The following SLC22A2 variants were observed in gnomAD, a reference collection of about 807,000 sequenced individuals.
SLC22A2 encodes organic cation transporter 2.
In SLC22A2, 46 loss-of-function variants were observed where a neutral mutation model predicts 60.5. That is an observed-to-expected ratio of 0.76 (90% CI 0.60 to 0.97). The LOEUF (loss-of-function observed/expected upper bound fraction) is 0.97. Ranked by LOEUF, SLC22A2 falls within the 50% of genes least tolerant of loss-of-function variation. SLC22A2 has a pLI of 0.00. For missense variants in SLC22A2, 701 were observed against 706.6 expected (o/e 0.99, Z 0.09); for synonymous variants, 303 against 267.0 (o/e 1.13, Z -1.31).
rs766479524 is a variant in SLC22A2 at position 160,249,375 on chromosome 6, A to G, written c.683T>C (p.Phe228Ser). ...WLIGYILITE[F>S]VGRRYRRTVG... The stretch of plus-strand genomic sequence containing the variant: ...TGTTCTCCGATATCTCCGCCCAACA[A>G]ATTCTGTAACTGCAGAGAGAATTTG... The change falls in exon 4 of 11, where the codon TTT (phenylalanine) becomes TCT (serine). Residue 228 changes from phenylalanine (F) to serine (S), a missense_variant. By Grantham distance (155) the Phe-to-Ser change is radical. Transcript: ENST00000366953. 5.6e-6 allele frequency: 9 copies of G among 1,613,298 alleles called. No homozygotes were observed. The highest frequency in any genetic ancestry group is 7.6e-6 in the Non-Finnish European group (9 of 1,179,638).
chr6:160,258,508 C>T lies in SLC22A2; in HGVS notation c.250G>A (p.Ala84Thr). The change falls in exon 1 of 11, where the codon GCC (alanine) becomes ACC (threonine). Residue 84 changes from alanine (A) to threonine (T), a missense_variant. Transcript: ENST00000366953. Reference sequence around the variant, plus strand: ...TAGCGCCTACACTGTCTTGGGGAGGCTTCGCCCGCAGGTCCTGGGCCCGGC... The same window carrying T: ...TAGCGCCTACACTGTCTTGGGGAGGTTTCGCCCGCAGGTCCTGGGCCCGGC... ...TVPGPGPAGE[A>T]SPRQCRRYEV... The T allele has an allele frequency of 6.2e-7, 1 of 1,614,106 alleles. No homozygotes were observed. Among genetic ancestry groups the T allele is most frequent in the Non-Finnish European group, 8.5e-7 (1 of 1,180,014 alleles).
intron 9 of SLC22A2, among the ~76,000 whole-genome samples, chr6:160,229,156 A>C (rs940625524): frequency 3.3e-5 from 5 of 151,990 alleles, no homozygotes; most frequent in Non-Finnish European, 5.9e-5. Flanking sequence ...TCTGGTCCTC[A>C]GACTAACCAG....
chr6:160,255,170 C>T (rs1217678252), intron 2 of SLC22A2, among the ~76,000 whole-genome samples: 1 of 152,200 alleles, frequency 6.6e-6, no homozygotes, highest in Non-Finnish European at 1.5e-5. Flanking sequence ...TTCCCTTTCA[C>T]CTTGCAAGCC....
chr6:160,234,152 C>T lies in SLC22A2; in HGVS notation c.1501+7322G>A, dbSNP rs555158359. On this transcript the variant is annotated intron_variant, in intron 9 of 10. Transcript: ENST00000366953. The stretch of plus-strand genomic sequence containing the variant: ...CCGCCCCTGCCTGCCGAGAACTACC[C>T]ACTTTGACTGTAATTTTCCTTTACC... Among the ~76,000 whole-genome samples, 23 of 152,244 alleles carry T rather than the reference C, an allele frequency of 1.5e-4. No individual in the cohort carries two copies. The South Asian group carries it at 4.6e-3, about 30-fold the overall frequency.
intron 10 of SLC22A2, among the ~76,000 whole-genome samples, chr6:160,221,145 A>G (rs1261816799): frequency 1.3e-5 from 2 of 152,182 alleles, no homozygotes; most frequent in East Asian, 3.8e-4. Context: ...GATCACCTTT[A>G]TCAGTGATCT....
At chr6:160,222,694 A>G (rs888851836) in intron 10 of SLC22A2, among the ~76,000 whole-genome samples, 1 of 152,194 alleles carries the variant, frequency 6.6e-6, no homozygotes, top group African/African-American at 2.4e-5. Flanking sequence ...AAATGTCTGC[A>G]TGCACCAAGC....
At position 160,247,522 on chromosome 6, in the gene SLC22A2, G is replaced by A. The variant is rs556810122; in HGVS notation, c.843-224C>T. On this transcript the variant is annotated intron_variant, in intron 4 of 10. Coordinates refer to ENST00000366953, the MANE Select transcript of SLC22A2 (RefSeq NM_003058.4). ...GGAAGCAAGCTGCAAAGCAGGGTGC[G>A]GCTGAACATCCAGCTCCTCTTGCAA... is the stretch of plus-strand genomic sequence containing the variant. Among the ~76,000 whole-genome samples, 25 of 152,296 alleles carry A rather than the reference G, an allele frequency of 1.6e-4. No individual in the cohort carries two copies. The South Asian group carries it at 3.9e-3, about 24-fold the overall frequency.
In SLC22A2 at chr6:160,233,331, G is replaced by A. The variant is rs565747727; in HGVS notation, c.1501+8143C>T. On this transcript the variant is annotated intron_variant, in intron 9 of 10. Coordinates refer to ENST00000366953, the MANE Select transcript of SLC22A2 (RefSeq NM_003058.4). ...TCCCACCTCTATACAGTCTGATAAC[G>A]GACCAGCCTTTATTAGTCAAATCAC... 2.0e-4 allele frequency among the ~76,000 whole-genome samples: 30 copies of A among 151,818 alleles called. 1 individual carries two copies. Among genetic ancestry groups the A allele is most frequent in the African/African-American group, 4.6e-4 (19 of 41,180 alleles).
At chr6:160,241,700 T>A in intron 8 of SLC22A2, 114 bp from the exon 9 acceptor site, 1 of 668,074 alleles carries the variant, frequency 1.5e-6, no homozygotes, top group Non-Finnish European at 2.6e-6. Flanking sequence ...AGAGCTATAG[T>A]GTACACTGCT....
At chr6:160,239,065 G>C (rs976516835) in intron 9 of SLC22A2, among the ~76,000 whole-genome samples, 1 of 152,064 alleles carries the variant, frequency 6.6e-6, no homozygotes, top group Non-Finnish European at 1.5e-5. Context: ...TAAAGAAGCT[G>C]GCCCAAACCC....
chr6:160,230,573 T>A (rs1233638985), intron 9 of SLC22A2, among the ~76,000 whole-genome samples: 1 of 152,006 alleles, frequency 6.6e-6, no homozygotes, highest in Non-Finnish European at 1.5e-5. Flanking sequence ...ACAACAGGAC[T>A]TAATTAACCT....
Position 160,250,626 on chromosome 6 carries a change from T to C in SLC22A2, c.595A>G (p.Thr199Ala), listed in dbSNP as rs866840795. 3 of 1,614,032 alleles carry C rather than the reference T, an allele frequency of 1.9e-6. No homozygotes were observed. The highest frequency in any genetic ancestry group is 1.6e-4 in the Middle Eastern group (1 of 6,062). The part of the protein sequence containing the change: ...AAGVLMAISP[T>A]YTWMLIFRLI... ...CGAAAAATTAACATCCACGTATAGG[T>C]TGGGGAAATGGCCATGAGAACTCCA... is the stretch of plus-strand genomic sequence containing the variant. The change falls in exon 3 of 11, where the codon ACC (threonine) becomes GCC (alanine). Residue 199 changes from threonine to alanine, a missense_variant. Thr to Ala is a moderately conservative substitution (Grantham distance 58). Coordinates refer to ENST00000366953, the MANE Select transcript of SLC22A2 (RefSeq NM_003058.4).
intron 2 of SLC22A2, among the ~76,000 whole-genome samples, chr6:160,256,262 T>TGA: frequency 6.6e-6 from 1 of 152,018 alleles, no homozygotes; most frequent in Non-Finnish European, 1.5e-5. Context: ...TGAAGGCTGA[T>TGA]GGCCAGGTGG....
intron 9 of SLC22A2, among the ~76,000 whole-genome samples, chr6:160,229,653 C>G (rs1562431902): frequency 6.6e-6 from 1 of 151,662 alleles, no homozygotes; most frequent in Non-Finnish European, 1.5e-5. Flanking sequence ...AAGCACCCCC[C>G]ACTCCTTCTC....
chr6:160,227,617 A>G (rs1211725770), intron 9 of SLC22A2, among the ~76,000 whole-genome samples: 1 of 152,240 alleles, frequency 6.6e-6, no homozygotes, highest in East Asian at 1.9e-4. Flanking sequence ...TTGGCTCAGA[A>G]TAAACTCTTT....
At chr6:160,224,604 T>C in intron 10 of SLC22A2, 101 bp downstream of exon 10, 1 of 538,822 alleles carries the variant, frequency 1.9e-6, no homozygotes, top group African/African-American at 1.9e-5. Context: ...TATCTCAGTG[T>C]ATGGTGTGAA....
At position 160,253,299 on chromosome 6, in the gene SLC22A2, C is replaced by T. The variant is rs145855558; in HGVS notation, c.519-2597G>A. Among the ~76,000 whole-genome samples, 156 of 152,196 alleles carry T rather than the reference C, an allele frequency of 1.0e-3. 1 individual carries two copies. Among genetic ancestry groups the T allele is most frequent in the East Asian group, 8.1e-3 (42 of 5,180 alleles). ...TATAAATTTGATTATATGCAACCCA[C>T]GTTTAATTATATGCAAATTAAGGGG... On this transcript the variant is annotated intron_variant, in intron 2 of 10. Transcript: ENST00000366953.
chr6:160,258,269 G>A, intron 1 of SLC22A2, 75 bp downstream of exon 1: 1 of 1,487,776 alleles, frequency 6.7e-7, no homozygotes, highest in East Asian at 2.3e-5. Flanking sequence ...TAAGAGCCGG[G>A]CCTTCCCTGC....
chr6:160,251,922 A>T (rs888268315), intron 2 of SLC22A2, among the ~76,000 whole-genome samples: 1 of 152,212 alleles, frequency 6.6e-6, no homozygotes, highest in Non-Finnish European at 1.5e-5. Context: ...ATTAACTAGT[A>T]AATTTCTTAA....
Sources: gnomAD v4.1 joint callset for allele counts (sites outside exome capture counted in the v4.1 genomes callset) on GRCh38, gnomAD v4.1.1 for gene constraint, MANE v1.5 for transcripts, NCBI Gene and HGNC (gene_info 2026-07-23, HGNC 2026-07-21) for gene names.